ITPK1: variants seen among roughly 807,000 people sequenced by gnomAD.
ITPK1 encodes inositol 1,3,4-trisphosphate 5/6-kinase.
ITPK1 carries 21 observed loss-of-function variants against 45.3 expected under a neutral mutation model. The observed-to-expected ratio is 0.46, with a 90% confidence interval of 0.33 to 0.67. The LOEUF is 0.67. Ranked by LOEUF, ITPK1 falls within the 30% of genes least tolerant of loss-of-function variation. The pLI, the probability that ITPK1 is intolerant of heterozygous loss-of-function variation, is 0.02. For missense variants in ITPK1, 474 were observed against 573.5 expected (o/e 0.83, Z 1.77); for synonymous variants, 258 against 253.6 (o/e 1.02, Z -0.16).
intron 5 of ITPK1, among the ~76,000 whole-genome samples, chr14:92,970,167 G>A (rs534795536): frequency 6.6e-6 from 1 of 152,346 alleles, no homozygotes; most frequent in Non-Finnish European, 1.5e-5. Context: ...GAGGACAACA[G>A]GGGTGGAGGG....
chr14:92,960,038 C>T (rs560099141), intron 7 of ITPK1, among the ~76,000 whole-genome samples: 140 of 152,326 alleles, frequency 9.2e-4, no homozygotes, highest in African/African-American at 3.0e-3. Context: ...CAACCTCTGC[C>T]GATCTGGTGG....
intron 5 of ITPK1, among the ~76,000 whole-genome samples, chr14:92,986,673 G>T (rs1352601816): frequency 6.6e-6 from 1 of 152,180 alleles, no homozygotes; most frequent in Admixed American, 6.5e-5. Context: ...TGGAGGGGTT[G>T]GTGGGCTGTG....
chr14:93,067,131 G>A lies in ITPK1; in HGVS notation c.120+9464C>T, dbSNP rs35592791. Among the ~76,000 whole-genome samples, 937 of 152,242 alleles carry A rather than the reference G, an allele frequency of 6.2e-3. 5 individuals are homozygous for A. Among genetic ancestry groups the A allele is most frequent in the Middle Eastern group, 0.024 (7 of 294 alleles). ...GCTTCTGGCCCTTTCTAAAACCCCC[G>A]TTCCATCCCTTCCTATTTCCCCTGT... is the stretch of plus-strand genomic sequence containing the variant. On this transcript the variant is annotated intron_variant, in intron 3 of 10. Transcript: ENST00000267615.
At chr14:93,046,061 C>A (rs1331130800) in intron 3 of ITPK1, among the ~76,000 whole-genome samples, 3 of 152,174 alleles carry the variant, frequency 2.0e-5, no homozygotes, top group Admixed American at 6.5e-5. Flanking sequence ...TCCTTTTTGA[C>A]CCCATCCCCA....
chr14:93,015,104 G>C (rs772541639), intron 4 of ITPK1, among the ~76,000 whole-genome samples: 6 of 152,220 alleles, frequency 3.9e-5, no homozygotes, highest in African/African-American at 1.4e-4. Flanking sequence ...TGTATGACTT[G>C]GGATCAGCTG....
chr14:93,045,272 G>A (rs1286185189), intron 3 of ITPK1, among the ~76,000 whole-genome samples: 3 of 152,246 alleles, frequency 2.0e-5, no homozygotes, highest in East Asian at 3.8e-4. Context: ...CTCCCGCAGC[G>A]CTTGAGGGCT....
intron 8 of ITPK1, among the ~76,000 whole-genome samples, chr14:92,957,034 A>G (rs1884772584): frequency 6.6e-6 from 1 of 152,240 alleles, no homozygotes; most frequent in African/African-American, 2.4e-5. Context: ...CACGCTCTGC[A>G]TGTGTCCATG....
chr14:93,061,934 C>T (rs1168179699), intron 3 of ITPK1, among the ~76,000 whole-genome samples: 1 of 152,198 alleles, frequency 6.6e-6, no homozygotes, highest in Non-Finnish European at 1.5e-5. Flanking sequence ...TAAGAGAATG[C>T]TAAGTGTGTT....
chr14:93,064,232 G>A (rs1484539043), intron 3 of ITPK1, among the ~76,000 whole-genome samples: 4 of 152,178 alleles, frequency 2.6e-5, no homozygotes, highest in African/African-American at 4.8e-5. Flanking sequence ...GCAGTGAGCC[G>A]AGGTCGCGCC....
In ITPK1 at chr14:93,032,628, G is replaced by C. The variant is rs1889127421; in HGVS notation, c.121-15827C>G. ...AAATTTACTGACCCACATCTGACCT[G>C]CCCCACCCTCAATGGGAGGAAGTCC... On this transcript the variant is annotated intron_variant, in intron 3 of 10. Coordinates refer to ENST00000267615, the MANE Select transcript of ITPK1 (RefSeq NM_014216.6). This position sits in a 1 kb window ranked among gnomAD's most constrained non-coding sequence, Gnocchi z 4.0. Among the ~76,000 whole-genome samples the C allele has an allele frequency of 6.6e-6, 1 of 152,168 alleles. No individual in the cohort carries two copies. The highest frequency in any genetic ancestry group is 2.4e-5 in the African/African-American group (1 of 41,424).
At chr14:92,951,708 G>A (rs1190364808) in intron 9 of ITPK1, among the ~76,000 whole-genome samples, 1 of 152,122 alleles carries the variant, frequency 6.6e-6, no homozygotes, top group African/African-American at 2.4e-5. Context: ...CAAGCCCAGT[G>A]TGCCCCTCAC....
rs375334505 is a variant in ITPK1, at chr14:92,993,989, G to T, written c.255C>A (p.Ile85=). The change falls in exon 5 of 11, where the codon ATC becomes ATA. Residue 85 remains isoleucine, a synonymous_variant. Transcript: ENST00000267615. ...LELVHRFQEY[I]DAHPETIVLD... is the part of the protein sequence containing the mutation. Reference sequence around the variant, plus strand: ...GGACGATGGTCTCAGGGTGGGCATCGATGTACTCCTGAAAGGGAAGCATGC... The same window carrying T: ...GGACGATGGTCTCAGGGTGGGCATCTATGTACTCCTGAAAGGGAAGCATGC... The T allele has an allele frequency of 1.2e-6, 2 of 1,610,264 alleles. No individual in the cohort carries two copies. Among genetic ancestry groups the T allele is most frequent in the Non-Finnish European group, 1.7e-6 (2 of 1,176,620 alleles).
At chr14:93,025,529 G>T (rs757930791) in intron 3 of ITPK1, among the ~76,000 whole-genome samples, 3 of 152,156 alleles carry the variant, frequency 2.0e-5, no homozygotes, top group Admixed American at 2.0e-4. Flanking sequence ...AGACTGAGGT[G>T]TGCATCTGTG....
intron 4 of ITPK1, among the ~76,000 whole-genome samples, chr14:93,009,792 T>C (rs1233117209): frequency 1.3e-5 from 2 of 152,138 alleles, no homozygotes; most frequent in African/African-American, 2.4e-5. Flanking sequence ...ACCAGCTGTG[T>C]CAGAGGCAAT....
chr14:92,947,300 A>T (rs951392049), intron 9 of ITPK1, among the ~76,000 whole-genome samples: 2 of 152,132 alleles, frequency 1.3e-5, no homozygotes, highest in African/African-American at 4.8e-5. Flanking sequence ...CAAGGTTTCC[A>T]TGTGCTGGTC....
chr14:92,982,161 C>T (rs1009628664), intron 5 of ITPK1, among the ~76,000 whole-genome samples: 1 of 152,212 alleles, frequency 6.6e-6, no homozygotes, highest in Non-Finnish European at 1.5e-5. Context: ...CAAGGGAAAA[C>T]CATTGTATTA....
chr14:92,953,209 C>T (rs181314605), intron 8 of ITPK1, among the ~76,000 whole-genome samples: 4 of 152,380 alleles, frequency 2.6e-5, no homozygotes, highest in Non-Finnish European at 2.9e-5. Context: ...GGGAGTGATT[C>T]GGGCGGAAGC....
At chr14:93,051,029 A>C (rs1036521533) in intron 3 of ITPK1, among the ~76,000 whole-genome samples, 1 of 152,152 alleles carries the variant, frequency 6.6e-6, no homozygotes, top group African/African-American at 2.4e-5. Flanking sequence ...CTATGTGCCC[A>C]GTGCTCAGCA....
chr14:93,070,988 T>C (rs1220178184), intron 3 of ITPK1: 1 of 153,778 alleles, frequency 6.5e-6, no homozygotes, highest in African/African-American at 2.4e-5. Flanking sequence ...AAACAGGCAC[T>C]TGCCACCATC....
Sources: gnomAD v4.1 joint callset for allele counts (sites outside exome capture counted in the v4.1 genomes callset) on GRCh38, gnomAD v4.1.1 for gene constraint, Gnocchi (gnomAD v3.1) non-coding constraint, MANE v1.5 for transcripts, NCBI Gene and HGNC (gene_info 2026-07-23, HGNC 2026-07-21) for gene names.